TPD52L1: variants seen among roughly 807,000 people sequenced by gnomAD.
TPD52L1 encodes the protein tumor protein D53.
In TPD52L1, 18 loss-of-function variants were observed where a neutral mutation model predicts 28.7. That is an observed-to-expected ratio of 0.63 (90% CI 0.43 to 0.93). The LOEUF (loss-of-function observed/expected upper bound fraction) is 0.93. TPD52L1 is among the 40% of genes least tolerant of loss of function. TPD52L1 has a pLI of 0.00. For synonymous variants in TPD52L1, 75 were observed against 88.8 expected (o/e 0.84, Z 0.88); for missense variants, 203 against 254.8 (o/e 0.80, Z 1.39).
chr6:125,216,195 G>C (rs1251163747), intron 1 of TPD52L1, among the ~76,000 whole-genome samples: 1 of 152,074 alleles, frequency 6.6e-6, no homozygotes, highest in Non-Finnish European at 1.5e-5. Context: ...ACATTCTCTT[G>C]AGTCTGTAGT....
intron 1 of TPD52L1, among the ~76,000 whole-genome samples, chr6:125,182,536 A>G (rs1562235667): frequency 6.6e-6 from 1 of 152,090 alleles, no homozygotes. Context: ...AAGTGTGATG[A>G]TGTTCCAGGC....
intron 2 of TPD52L1, among the ~76,000 whole-genome samples, chr6:125,223,346 G>A (rs889658604): frequency 6.6e-6 from 1 of 152,114 alleles, no homozygotes; most frequent in African/African-American, 2.4e-5. Context: ...ACTTCTTTTG[G>A]TAGGAAACGT....
intron 1 of TPD52L1, among the ~76,000 whole-genome samples, chr6:125,172,367 A>G (rs1791463305): frequency 7.2e-6 from 1 of 139,114 alleles, no homozygotes; most frequent in Non-Finnish European, 1.5e-5. Context: ...CAATCCTGCT[A>G]GTGTTAAACT....
At chr6:125,251,072 A>G (rs942004753) in intron 4 of TPD52L1, among the ~76,000 whole-genome samples, 87 of 152,062 alleles carry the variant, frequency 5.7e-4, no homozygotes, top group African/African-American at 2.0e-3. Context: ...TTATGCCCAA[A>G]CAAGTAATAT....
At chr6:125,221,152 G>A (rs893303968) in intron 2 of TPD52L1, among the ~76,000 whole-genome samples, 2 of 152,158 alleles carry the variant, frequency 1.3e-5, no homozygotes, top group African/African-American at 4.8e-5. Context: ...AAGATTTTCA[G>A]GTGCTTTTAC....
chr6:125,227,714 T>C (rs1253390440), intron 2 of TPD52L1, among the ~76,000 whole-genome samples: 1 of 152,242 alleles, frequency 6.6e-6, no homozygotes, highest in Non-Finnish European at 1.5e-5. Flanking sequence ...CAATATGTTA[T>C]AGAGTATGAC....
chr6:125,163,707 C>T (rs111812408), intron 1 of TPD52L1, among the ~76,000 whole-genome samples: 2,549 of 151,592 alleles, frequency 0.017, 78 homozygotes, highest in African/African-American at 0.059. Flanking sequence ...GGGCGGATCA[C>T]CTGAGGTCAG....
chr6:125,214,940 A>G (rs1327543251), intron 1 of TPD52L1, among the ~76,000 whole-genome samples: 2 of 152,158 alleles, frequency 1.3e-5, no homozygotes, highest in African/African-American at 4.8e-5. Flanking sequence ...TAGCAAACCC[A>G]CAACTAGAAT....
At chr6:125,164,438 C>T (rs908515489) in intron 1 of TPD52L1, among the ~76,000 whole-genome samples, 1 of 152,110 alleles carries the variant, frequency 6.6e-6, no homozygotes, top group Non-Finnish European at 1.5e-5. Flanking sequence ...AATTTTATCA[C>T]CAGCTCAAAC....
intron 1 of TPD52L1, among the ~76,000 whole-genome samples, chr6:125,158,636 T>G (rs192832723): frequency 2.0e-5 from 3 of 152,318 alleles, no homozygotes; most frequent in Admixed American, 2.0e-4. Context: ...ATCACATTAC[T>G]TTTATTGATA....
At chr6:125,186,847 A>G (rs970092681) in intron 1 of TPD52L1, among the ~76,000 whole-genome samples, 8 of 152,214 alleles carry the variant, frequency 5.3e-5, no homozygotes, top group Non-Finnish European at 7.3e-5. Context: ...ACCAAAAACT[A>G]TAACACAATG....
At chr6:125,191,839 C>T (rs907433010) in intron 1 of TPD52L1, among the ~76,000 whole-genome samples, 2 of 152,062 alleles carry the variant, frequency 1.3e-5, no homozygotes, top group Non-Finnish European at 2.9e-5. Context: ...TCATTACAAG[C>T]TATTATTATT....
intron 1 of TPD52L1, among the ~76,000 whole-genome samples, chr6:125,158,042 C>T (rs1462074586): frequency 6.6e-6 from 1 of 152,102 alleles, no homozygotes; most frequent in Admixed American, 6.6e-5. Context: ...CGTGGTTATG[C>T]TGCTTTCTGT....
In TPD52L1 at chr6:125,202,617, A is replaced by G. The variant is rs559911527; in HGVS notation, c.20-17461A>G. ...GAAGAAGAGATTACTTCTCATTTTA[A>G]TTGAAATGAGTGACTTTTTATTAAT... On this transcript the variant is annotated intron_variant, in intron 1 of 6. Coordinates refer to ENST00000534000, the MANE Select transcript of TPD52L1 (RefSeq NM_003287.4). Among the ~76,000 whole-genome samples, 32 of 152,286 alleles carry G rather than the reference A, an allele frequency of 2.1e-4. No homozygotes were observed. In the South Asian group the frequency reaches 5.6e-3, roughly 27 times the overall value.
At chr6:125,160,669 T>C (rs1421603173) in intron 1 of TPD52L1, among the ~76,000 whole-genome samples, 2 of 152,336 alleles carry the variant, frequency 1.3e-5, no homozygotes, top group South Asian at 2.1e-4. Flanking sequence ...TCCTCCTCTC[T>C]AGCTATAAAA....
chr6:125,251,851 T>C (rs1319786151), intron 4 of TPD52L1, among the ~76,000 whole-genome samples: 1 of 152,230 alleles, frequency 6.6e-6, no homozygotes. Context: ...GTTGGTAAAA[T>C]GATTTGTCAG....
rs979842777 is a variant in TPD52L1, at chr6:125,182,045, C to T, written c.19+28075C>T. 5.3e-5 allele frequency among the ~76,000 whole-genome samples: 8 copies of T among 152,118 alleles called. No individual in the cohort carries two copies. In the South Asian group the frequency reaches 1.5e-3, roughly 28 times the overall value. On this transcript the variant is annotated intron_variant, in intron 1 of 6. Coordinates refer to ENST00000534000, the MANE Select transcript of TPD52L1 (RefSeq NM_003287.4). ...TCGGATACCTCTGGCATTAGGGAGG[C>T]ACAGATGTACTTCTCTGCAGCTGTA...
chr6:125,206,318 C>G (rs1794134775), intron 1 of TPD52L1, among the ~76,000 whole-genome samples: 1 of 151,320 alleles, frequency 6.6e-6, no homozygotes, highest in South Asian at 2.1e-4. Flanking sequence ...ATTTATAATG[C>G]AATTTGTAAT....
intron 1 of TPD52L1, among the ~76,000 whole-genome samples, chr6:125,184,440 T>G (rs1792450146): frequency 6.6e-6 from 1 of 152,136 alleles, no homozygotes; most frequent in African/African-American, 2.4e-5. Context: ...ACAAATCTCT[T>G]AGGAAGGCAT....
Sources: allele counts gnomAD v4.1 joint callset (sites outside exome capture counted in the v4.1 genomes callset), GRCh38; gene constraint gnomAD v4.1.1; transcripts MANE v1.5; gene names NCBI Gene and HGNC (gene_info 2026-07-23, HGNC 2026-07-21).